Variants in DIXDC1 observed in about 807,000 individuals in gnomAD.
DIXDC1 encodes the protein dixin.
DIXDC1 carries 64 observed loss-of-function variants against 103.1 expected under a neutral mutation model. That is an observed-to-expected ratio of 0.62 (90% CI 0.51 to 0.76). The LOEUF is 0.76. DIXDC1 is among the 30% of genes least tolerant of loss of function. The pLI, the probability that DIXDC1 is intolerant of heterozygous loss-of-function variation, is 0.00. For missense variants in DIXDC1, 759 were observed against 834.2 expected (o/e 0.91, Z 1.11); for synonymous variants, 266 against 298.5 (o/e 0.89, Z 1.12).
intron 1 of DIXDC1, among the ~76,000 whole-genome samples, chr11:111,948,299 A>C (rs587625909): frequency 3.3e-5 from 5 of 152,314 alleles, no homozygotes; most frequent in South Asian, 2.1e-4. Context: ...TCCCATTAAA[A>C]TTATTTTTTT....
upstream of DIXDC1, among the ~76,000 whole-genome samples, chr11:111,932,586 CAAAAA>C (rs1279927247): frequency 1.5e-5 from 1 of 65,616 alleles, no homozygotes; most frequent in Non-Finnish European, 3.4e-5. Flanking sequence ...GACTCCGTCT[CAAAAA>C]AAAAAAAAAA....
chr11:111,944,121 C>A (rs994247771), intron 1 of DIXDC1, among the ~76,000 whole-genome samples: 2 of 152,212 alleles, frequency 1.3e-5, no homozygotes, highest in African/African-American at 4.8e-5. Flanking sequence ...CTCTTAGTTT[C>A]TCAGCAACTT....
At chr11:111,936,845 AGT>A (rs57332873), upstream of DIXDC1, among the ~76,000 whole-genome samples, 14,320 of 140,196 alleles carry the variant, frequency 0.1, 973 homozygotes, top group African/African-American at 0.21. Flanking sequence ...TTAAGTTAGC[AGT>A]GTGTGTGTGT....
chr11:112,011,014 C>A (rs1861400781), intron 17 of DIXDC1, among the ~76,000 whole-genome samples: 1 of 152,142 alleles, frequency 6.6e-6, no homozygotes, highest in Non-Finnish European at 1.5e-5. Context: ...AGTGAACAGG[C>A]AACCTACAGA....
chr11:111,972,201 A>G (rs1247700277), intron 3 of DIXDC1, among the ~76,000 whole-genome samples: 3 of 152,252 alleles, frequency 2.0e-5, no homozygotes, highest in Non-Finnish European at 4.4e-5. Flanking sequence ...AAGCTAAAAA[A>G]TAAAATAAAA....
chr11:112,003,402 G>A (rs1038427403), intron 17 of DIXDC1, among the ~76,000 whole-genome samples: 4 of 151,926 alleles, frequency 2.6e-5, no homozygotes, highest in African/African-American at 7.3e-5. Flanking sequence ...AGCTGAGATC[G>A]CACCACTGCA....
rs1233129639 is a variant in DIXDC1 at position 112,019,900 on chromosome 11, TC to T, written c.*865del. On this transcript the variant is annotated 3_prime_UTR_variant, in exon 20 of 20. Transcript: ENST00000440460. ...CCATATCTTTTTGACTTTCTTTGTTTCATGACTTTAACTCATGGCATCTCCT... is the reference window on the plus strand; with the variant it reads ...CCATATCTTTTTGACTTTCTTTGTTTATGACTTTAACTCATGGCATCTCCT... 6.6e-6 allele frequency: 1 copy of T among 152,206 alleles called. No individual in the cohort carries two copies. Among genetic ancestry groups the T allele is most frequent in the African/African-American group, 2.4e-5 (1 of 41,452 alleles). The allele number at this position is 152,206 out of a possible 1,614,324, so 9.4% of individuals were successfully genotyped here.
At position 111,998,825 on chromosome 11, in the gene DIXDC1, CG is replaced by C. The variant is rs1860982202; in HGVS notation, c.1756+2680del. On this transcript the variant is annotated intron_variant, in intron 17 of 19. Transcript: ENST00000440460. The surrounding 1 kb of genome is among the most constrained non-coding windows in gnomAD (Gnocchi z 4.1). Reference sequence around the variant, plus strand: ...CTGGGATTACAGGCGTGAGCCACCGCGCCTGGCCTAGTACTATATTTTTAAA... The same window carrying C: ...CTGGGATTACAGGCGTGAGCCACCGCCCTGGCCTAGTACTATATTTTTAAA... Among the ~76,000 whole-genome samples, 1 of 152,312 alleles carries C rather than the reference CG, an allele frequency of 6.6e-6. No individual in the cohort carries two copies. Among genetic ancestry groups the C allele is most frequent in the East Asian group, 1.9e-4 (1 of 5,186 alleles).
At chr11:111,962,252 TG>T (rs1859604514) in intron 1 of DIXDC1, among the ~76,000 whole-genome samples, 1 of 152,116 alleles carries the variant, frequency 6.6e-6, no homozygotes, top group East Asian at 1.9e-4. Context: ...GAGGCCTAGG[TG>T]GGTGGATCAC....
At position 111,968,513 on chromosome 11, in the gene DIXDC1, C is replaced by G; in HGVS notation, c.191C>G (p.Ala64Gly). Residue 64 changes from alanine to glycine, a missense_variant and splice_region_variant, in exon 3 of 20, where the codon GCA becomes GGA. By Grantham distance (60) the Ala-to-Gly change is moderately conservative (BLOSUM62 0). This residue lies in a region of DIXDC1 where 97 missense variants were observed against 85.4 expected (regional missense o/e 1.14). Coordinates refer to ENST00000440460, the MANE Select transcript of DIXDC1 (RefSeq NM_001037954.4). ...TCCTATATTTTCTCTCTCCTAACAGCAGGAGAAAAGCTGAGTGGGGTACAG... is the reference window on the plus strand; with the variant it reads ...TCCTATATTTTCTCTCTCCTAACAGGAGGAGAAAAGCTGAGTGGGGTACAG... ...VILAYLIEIV[A>G]GEKLSGVQLS... The G allele has an allele frequency of 6.2e-7, 1 of 1,612,536 alleles. No homozygotes were observed.
intron 2 of DIXDC1, among the ~76,000 whole-genome samples, chr11:111,965,540 C>T (rs1213035453): frequency 6.6e-6 from 1 of 152,190 alleles, no homozygotes; most frequent in Non-Finnish European, 1.5e-5. Context: ...GTGAATACCT[C>T]ATAGGGACAG....
chr11:111,959,227 A>G (rs587611404), intron 1 of DIXDC1, among the ~76,000 whole-genome samples: 7 of 152,342 alleles, frequency 4.6e-5, no homozygotes, highest in Non-Finnish European at 7.4e-5. Flanking sequence ...AGGAGAGAAC[A>G]GAGGAGAGAA....
At chr11:112,018,831 A>G in intron 19 of DIXDC1, 125 bp from the exon 20 acceptor site, 1 of 693,910 alleles carries the variant, frequency 1.4e-6, no homozygotes, top group Non-Finnish European at 2.4e-6. Context: ...ACAAGACCAA[A>G]AGGACATAGA....
At chr11:112,003,782 G>A (rs2137610483) in intron 17 of DIXDC1, among the ~76,000 whole-genome samples, 1 of 151,582 alleles carries the variant, frequency 6.6e-6, no homozygotes, top group African/African-American at 2.4e-5. Context: ...TGGGAAACAA[G>A]AGTGAAGCTC....
At chr11:111,984,017 C>T (rs940418341) in intron 7 of DIXDC1, among the ~76,000 whole-genome samples, 3 of 152,290 alleles carry the variant, frequency 2.0e-5, no homozygotes, top group Admixed American at 1.3e-4. Context: ...TAGCTCCCCG[C>T]GGCCCTGGCT....
intron 17 of DIXDC1, among the ~76,000 whole-genome samples, chr11:112,004,716 G>A (rs782243199): frequency 3.3e-5 from 5 of 152,174 alleles, no homozygotes; most frequent in Non-Finnish European, 5.9e-5. Flanking sequence ...AGCTGAGGGA[G>A]GGGAAGGAAC....
rs1966253703 is a variant in DIXDC1 at position 111,937,563 on chromosome 11, A to G, written c.60+4A>G. The G allele has an allele frequency of 6.3e-7, 1 of 1,588,040 alleles. No homozygotes were observed. The highest frequency in any genetic ancestry group is 8.6e-7 in the Non-Finnish European group (1 of 1,167,532). Reference sequence around the variant, plus strand: ...CCTGCAGGAGGGCTTCAATGAGGTAACTGTCCTGCTCCTCCCACTCCTCAG... The same window carrying G: ...CCTGCAGGAGGGCTTCAATGAGGTAGCTGTCCTGCTCCTCCCACTCCTCAG... On this transcript the variant is annotated splice_donor_region_variant and intron_variant, in intron 1 of 19. Coordinates refer to ENST00000440460, the MANE Select transcript of DIXDC1 (RefSeq NM_001037954.4).
chr11:111,985,177 G>C, intron 7 of DIXDC1, 55 bp from the exon 8 acceptor site: 1 of 1,411,362 alleles, frequency 7.1e-7, no homozygotes, highest in Non-Finnish European at 9.9e-7. Context: ...GTTCAACTCT[G>C]GACTAAGTCA....
intron 9 of DIXDC1, among the ~76,000 whole-genome samples, chr11:111,988,244 C>T (rs186712838): frequency 8.4e-4 from 127 of 150,994 alleles, no homozygotes; most frequent in Non-Finnish European, 1.6e-3. Flanking sequence ...GTGATTCTCC[C>T]ATCTTGGCCT....
Sources: gnomAD v4.1 joint callset for allele counts (sites outside exome capture counted in the v4.1 genomes callset) on GRCh38, gnomAD v4.1.1 for gene constraint, gnomAD v4.1.1 regional missense constraint, Gnocchi (gnomAD v3.1) non-coding constraint, MANE v1.5 for transcripts, NCBI Gene and HGNC (gene_info 2026-07-23, HGNC 2026-07-21) for gene names.